The following ARHGAP15 variants were observed in gnomAD, a reference collection of about 807,000 sequenced individuals.
ARHGAP15 encodes Rho GTPase activating protein 15.
In ARHGAP15, 51 loss-of-function variants were observed where a neutral mutation model predicts 63.7. The observed-to-expected ratio is 0.80, with a 90% CI of 0.64 to 1.01. The LOEUF (loss-of-function observed/expected upper bound fraction) is 1.01, where lower values mean the gene tolerates loss of function less well. Ranked by LOEUF, ARHGAP15 falls within the 50% of genes least tolerant of loss-of-function variation. The pLI is 0.00. For missense variants in ARHGAP15, 560 were observed against 564.6 expected (o/e 0.99, Z 0.08); for synonymous variants, 191 against 193.8 (o/e 0.99, Z 0.12).
intron 6 of ARHGAP15, among the ~76,000 whole-genome samples, chr2:143,410,910 A>C (rs775841438): frequency 1.8e-4 from 28 of 152,072 alleles, no homozygotes; most frequent in Non-Finnish European, 3.4e-4. Flanking sequence ...AAAAAACGAA[A>C]ATATCGTAGG....
intron 6 of ARHGAP15, among the ~76,000 whole-genome samples, chr2:143,310,264 T>C (rs1350191366): frequency 6.6e-6 from 1 of 152,096 alleles, no homozygotes; most frequent in Non-Finnish European, 1.5e-5. Flanking sequence ...TATTCTTAGT[T>C]TGTTTCATCA....
chr2:143,477,712 A>G (rs1375555659), intron 8 of ARHGAP15, among the ~76,000 whole-genome samples: 3 of 152,132 alleles, frequency 2.0e-5, no homozygotes, highest in African/African-American at 7.2e-5. Flanking sequence ...AACACACTTG[A>G]AAAAAAGGAA....
chr2:143,504,005 A>G (rs1203198601), intron 9 of ARHGAP15, among the ~76,000 whole-genome samples: 1 of 152,194 alleles, frequency 6.6e-6, no homozygotes, highest in Non-Finnish European at 1.5e-5. Context: ...CACATGGAAA[A>G]GTGTGGGAAA....
At chr2:143,458,253 A>G (rs1264066976) in intron 8 of ARHGAP15, among the ~76,000 whole-genome samples, 1 of 152,124 alleles carries the variant, frequency 6.6e-6, no homozygotes, top group African/African-American at 2.4e-5. Context: ...ACAAATAATC[A>G]GTGAGTAAAA....
At chr2:143,331,623 A>C (rs1684552344) in intron 6 of ARHGAP15, among the ~76,000 whole-genome samples, 1 of 152,210 alleles carries the variant, frequency 6.6e-6, no homozygotes, top group Non-Finnish European at 1.5e-5. Context: ...TTATATAGAC[A>C]CATCTGCTTT....
chr2:143,526,539 G>A (rs1206634015), intron 10 of ARHGAP15, among the ~76,000 whole-genome samples: 1 of 152,120 alleles, frequency 6.6e-6, no homozygotes, highest in Non-Finnish European at 1.5e-5. Flanking sequence ...TTACCAAGAT[G>A]CAATACTCTC....
intron 6 of ARHGAP15, among the ~76,000 whole-genome samples, chr2:143,332,299 A>T (rs897904639): frequency 6.6e-6 from 1 of 152,120 alleles, no homozygotes; most frequent in Non-Finnish European, 1.5e-5. Context: ...GAAATTTTAC[A>T]AAACAGTCTT....
At chr2:143,704,561 C>T (rs1423366727) in intron 13 of ARHGAP15, among the ~76,000 whole-genome samples, 4 of 152,098 alleles carry the variant, frequency 2.6e-5, no homozygotes, top group Non-Finnish European at 5.9e-5. Context: ...GTAGGAAAAG[C>T]AGGTTTGAGA....
At chr2:143,504,182 G>A (rs1189659781) in intron 9 of ARHGAP15, among the ~76,000 whole-genome samples, 1 of 152,196 alleles carries the variant, frequency 6.6e-6, no homozygotes, top group African/African-American at 2.4e-5. Flanking sequence ...TCTGTGGCAA[G>A]TGTTTTGCAC....
chr2:143,593,365 A>C (rs1697392608), intron 11 of ARHGAP15: 1 of 152,230 alleles, frequency 6.6e-6, no homozygotes, highest in South Asian at 2.1e-4. Flanking sequence ...ACCTGTGGCA[A>C]AGTACAATAA....
At chr2:143,516,903 G>C (rs548434141) in intron 9 of ARHGAP15, among the ~76,000 whole-genome samples, 1 of 152,202 alleles carries the variant, frequency 6.6e-6, no homozygotes, top group South Asian at 2.1e-4. Flanking sequence ...CTGTTACTTG[G>C]ATAAAAATGC....
chr2:143,471,173 A>AATATGTGTGTGTATATATACACACAT (rs1691539535), intron 8 of ARHGAP15, among the ~76,000 whole-genome samples: 1 of 145,466 alleles, frequency 6.9e-6, no homozygotes, highest in African/African-American at 2.7e-5. Flanking sequence ...AGAGGATATG[A>AATATGTGTGTGTATATATACACACAT]ATATGTGTGT....
At chr2:143,514,620 C>T (rs1286391851) in intron 9 of ARHGAP15, among the ~76,000 whole-genome samples, 1 of 152,188 alleles carries the variant, frequency 6.6e-6, no homozygotes, top group Non-Finnish European at 1.5e-5. Context: ...GCTATTGCTA[C>T]ATGACAAACA....
At chr2:143,454,410 G>A (rs913413197) in intron 8 of ARHGAP15, among the ~76,000 whole-genome samples, 1 of 152,064 alleles carries the variant, frequency 6.6e-6, no homozygotes, top group African/African-American at 2.4e-5. Flanking sequence ...ATTTGGCTGG[G>A]AATACAGTCT....
intron 12 of ARHGAP15, among the ~76,000 whole-genome samples, chr2:143,697,460 G>A (rs1219778263): frequency 6.6e-6 from 1 of 152,122 alleles, no homozygotes; most frequent in East Asian, 1.9e-4. Flanking sequence ...GTATTTTCAA[G>A]TAAAGAACTA....
intron 13 of ARHGAP15, among the ~76,000 whole-genome samples, chr2:143,723,486 T>C (rs1685151871): frequency 6.6e-6 from 1 of 152,188 alleles, no homozygotes; most frequent in Non-Finnish European, 1.5e-5. Context: ...TTGAAGTAGG[T>C]CAGGAGTATT....
chr2:143,539,636 T>C (rs1248465994), intron 10 of ARHGAP15, among the ~76,000 whole-genome samples: 3 of 152,226 alleles, frequency 2.0e-5, no homozygotes, highest in Non-Finnish European at 4.4e-5. Flanking sequence ...TTTCATTAGG[T>C]ACCCAGTAGT....
intron 9 of ARHGAP15, among the ~76,000 whole-genome samples, chr2:143,490,851 C>T (rs991412450): frequency 6.6e-6 from 1 of 152,132 alleles, no homozygotes; most frequent in Non-Finnish European, 1.5e-5. Flanking sequence ...TGGTCTTGAA[C>T]TCCTGGCCTC....
intron 11 of ARHGAP15, among the ~76,000 whole-genome samples, chr2:143,588,979 A>G (rs893512884): frequency 3.3e-5 from 5 of 152,058 alleles, no homozygotes; most frequent in African/African-American, 9.7e-5. Context: ...AAAGGCCTTG[A>G]CTTCCCTTTT....
Sources: allele counts gnomAD v4.1 joint callset (sites outside exome capture counted in the v4.1 genomes callset), GRCh38; gene constraint gnomAD v4.1.1; transcripts MANE v1.5; gene names NCBI Gene and HGNC (gene_info 2026-07-23, HGNC 2026-07-21).